The following TAOK3 variants were observed in gnomAD, a reference collection of about 807,000 sequenced individuals.
TAOK3 encodes serine/threonine-protein kinase TAO3.
TAOK3 carries 40 observed loss-of-function variants against 120.4 expected under a neutral mutation model. The ratio of observed to expected loss-of-function variants is 0.33; its 90% CI spans 0.26 to 0.43. TAOK3 has a LOEUF of 0.43. Among genes scored for constraint, TAOK3 ranks in the 20% least tolerant of loss-of-function variants. The pLI, the probability that TAOK3 is intolerant of heterozygous loss-of-function variation, is 1.00. For missense variants in TAOK3, 821 were observed against 1,112.1 expected (o/e 0.74, Z 3.72); for synonymous variants, 355 against 387.5 (o/e 0.92, Z 0.99).
chr12:118,151,672 C>A (rs2034452828), intron 20 of TAOK3, among the ~76,000 whole-genome samples: 1 of 152,138 alleles, frequency 6.6e-6, no homozygotes. Context: ...ACTGGTTAAG[C>A]AAATAAATGC....
chr12:118,251,409 A>C (rs2040745056), intron 3 of TAOK3, among the ~76,000 whole-genome samples: 1 of 152,136 alleles, frequency 6.6e-6, no homozygotes. Context: ...TTCCCTTTTA[A>C]TCTGTTTTTT....
intron 1 of TAOK3, among the ~76,000 whole-genome samples, chr12:118,335,186 A>C (rs966812975): frequency 2.1e-4 from 31 of 145,144 alleles, no homozygotes; most frequent in African/African-American, 7.7e-4. Flanking sequence ...CTATGTCTCA[A>C]AAAAAAAAAA....
At chr12:118,233,589 T>C in intron 9 of TAOK3, 85 bp downstream of exon 9, 1 of 1,071,998 alleles carries the variant, frequency 9.3e-7, no homozygotes, top group South Asian at 1.3e-5. Flanking sequence ...CTCCTAATCA[T>C]TATGATTCTT....
At chr12:118,256,149 A>T (rs2040978753) in intron 2 of TAOK3, 2 of 152,230 alleles carry the variant, frequency 1.3e-5, no homozygotes, top group Admixed American at 6.5e-5. Context: ...TATACAAATG[A>T]CCATTAACAT....
At chr12:118,306,285 C>T (rs922907148) in intron 1 of TAOK3, among the ~76,000 whole-genome samples, 2 of 152,232 alleles carry the variant, frequency 1.3e-5, no homozygotes, top group East Asian at 3.9e-4. Flanking sequence ...CCTCTCCCTC[C>T]ATTTGGAGTT....
At chr12:118,251,662 A>G (rs1215330864) in intron 3 of TAOK3, among the ~76,000 whole-genome samples, 1 of 152,238 alleles carries the variant, frequency 6.6e-6, no homozygotes, top group South Asian at 2.1e-4. Context: ...CTAAATAGAC[A>G]GGGCTTAGCC....
chr12:118,219,668 C>T (rs184807123), intron 9 of TAOK3, among the ~76,000 whole-genome samples: 17 of 151,660 alleles, frequency 1.1e-4, no homozygotes, highest in Non-Finnish European at 1.6e-4. Flanking sequence ...CATCTCAGCT[C>T]ACTGCAGCCT....
intron 1 of TAOK3, among the ~76,000 whole-genome samples, chr12:118,330,272 C>T (rs2044088029): frequency 1.3e-5 from 2 of 152,136 alleles, no homozygotes; most frequent in African/African-American, 4.8e-5. Flanking sequence ...AAGTTGTTTG[C>T]TTAAGTTATA....
At chr12:118,334,758 C>G (rs985268023) in intron 1 of TAOK3, among the ~76,000 whole-genome samples, 1 of 151,428 alleles carries the variant, frequency 6.6e-6, no homozygotes, top group Non-Finnish European at 1.5e-5. Context: ...AGCCTGTAAT[C>G]CCAGCTATTA....
chr12:118,201,767 C>T (rs1228265965), intron 11 of TAOK3, among the ~76,000 whole-genome samples: 1 of 151,958 alleles, frequency 6.6e-6, no homozygotes, highest in Non-Finnish European at 1.5e-5. Flanking sequence ...ATGATTTCTA[C>T]AGTTAAGCAA....
chr12:118,351,840 A>T (rs1019135022), intron 1 of TAOK3, among the ~76,000 whole-genome samples: 5 of 150,332 alleles, frequency 3.3e-5, no homozygotes, highest in Non-Finnish European at 5.9e-5. Context: ...TGTAAAATTA[A>T]ATGATTATAT....
chr12:118,293,704 G>A (rs761701512), intron 1 of TAOK3, among the ~76,000 whole-genome samples: 1 of 148,384 alleles, frequency 6.7e-6, no homozygotes, highest in Non-Finnish European at 1.5e-5. Flanking sequence ...AGCCACATAA[G>A]CAAATAATGA....
intron 1 of TAOK3, among the ~76,000 whole-genome samples, chr12:118,338,025 G>A (rs1002762595): frequency 1.3e-5 from 2 of 152,138 alleles, no homozygotes; most frequent in African/African-American, 4.8e-5. Flanking sequence ...CGACCTCTCA[G>A]TATTATTTCT....
intron 1 of TAOK3, among the ~76,000 whole-genome samples, chr12:118,337,133 A>G (rs2044401183): frequency 6.6e-6 from 1 of 152,214 alleles, no homozygotes; most frequent in East Asian, 1.9e-4. Flanking sequence ...TACAAATGGA[A>G]ATGGCAAATA....
chr12:118,169,407 C>G (rs1355350055), intron 17 of TAOK3, among the ~76,000 whole-genome samples: 1 of 148,622 alleles, frequency 6.7e-6, no homozygotes, highest in African/African-American at 2.5e-5. Context: ...AGCTCTGCCT[C>G]CTGGGTTCAA....
At chr12:118,357,624 G>A (rs2045450996) in intron 1 of TAOK3, among the ~76,000 whole-genome samples, 1 of 152,140 alleles carries the variant, frequency 6.6e-6, no homozygotes, top group African/African-American at 2.4e-5. Flanking sequence ...TCCCTTCAAC[G>A]AGTGTCATTT....
chr12:118,219,900 G>A (rs963635675), intron 9 of TAOK3, among the ~76,000 whole-genome samples: 1 of 133,546 alleles, frequency 7.5e-6, no homozygotes, highest in African/African-American at 2.8e-5. Flanking sequence ...AGGCATGAGC[G>A]ACCATGCCTG....
At chr12:118,176,188 G>A (rs541025717) in intron 16 of TAOK3, among the ~76,000 whole-genome samples, 24 of 152,242 alleles carry the variant, frequency 1.6e-4, no homozygotes, top group African/African-American at 5.8e-4. Context: ...GGAATTAACC[G>A]AGCAAAATTG....
Position 118,160,699 on chromosome 12 carries a change from G to A in TAOK3, c.2140-341C>T, listed in dbSNP as rs1328056594. On this transcript the variant is annotated intron_variant, in intron 18 of 20. Coordinates refer to ENST00000392533, the MANE Select transcript of TAOK3 (RefSeq NM_016281.4). This position sits in a 1 kb window ranked among gnomAD's most constrained non-coding sequence, Gnocchi z 4.2. The stretch of plus-strand genomic sequence containing the variant: ...TGGCAACTCTTTTCATGCTTTCCTA[G>A]TCAGACACTTCAGTGTCTTCCATTG... 6.6e-6 allele frequency among the ~76,000 whole-genome samples: 1 copy of A among 152,146 alleles called. No individual in the cohort carries two copies. Among genetic ancestry groups the A allele is most frequent in the African/African-American group, 2.4e-5 (1 of 41,434 alleles).
Sources: gnomAD v4.1 joint callset for allele counts (sites outside exome capture counted in the v4.1 genomes callset) on GRCh38, gnomAD v4.1.1 for gene constraint, Gnocchi (gnomAD v3.1) non-coding constraint, MANE v1.5 for transcripts, NCBI Gene and HGNC (gene_info 2026-07-23, HGNC 2026-07-21) for gene names.